ACMSD: variants seen among roughly 807,000 people sequenced by gnomAD.
ACMSD encodes the protein aminocarboxymuconate semialdehyde decarboxylase, also known as 2-amino-3-carboxymuconate-6-semialdehyde decarboxylase.
Under a neutral mutation model 45.9 loss-of-function variants are expected in ACMSD, and 37 were observed. That is an observed-to-expected ratio of 0.81 (90% CI 0.62 to 1.06). The LOEUF is 1.06. Ranked by LOEUF, ACMSD falls within the 50% of genes least tolerant of loss-of-function variation. The pLI is 0.00. For missense variants in ACMSD, 434 were observed against 420.9 expected (o/e 1.03, Z -0.27); for synonymous variants, 138 against 148.8 (o/e 0.93, Z 0.53).
At chr2:134,844,162 A>G (rs1442579644) in intron 1 of ACMSD, among the ~76,000 whole-genome samples, 1 of 152,222 alleles carries the variant, frequency 6.6e-6, no homozygotes, top group African/African-American at 2.4e-5. Context: ...ATACTTACCT[A>G]TGTTTTCAGG....
intron 8 of ACMSD, among the ~76,000 whole-genome samples, chr2:134,894,222 T>G (rs975629017): frequency 3.9e-5 from 6 of 152,014 alleles, no homozygotes; most frequent in African/African-American, 9.7e-5. Flanking sequence ...AACCTTTAGC[T>G]AGACTGACCA....
intron 2 of ACMSD, among the ~76,000 whole-genome samples, chr2:134,848,285 G>A (rs1324284627): frequency 6.6e-6 from 1 of 152,090 alleles, no homozygotes; most frequent in Non-Finnish European, 1.5e-5. Context: ...AATCCTTTGG[G>A]TATATACCCA....
At chr2:134,870,707 G>A (rs571605791) in intron 6 of ACMSD, among the ~76,000 whole-genome samples, 33 of 152,218 alleles carry the variant, frequency 2.2e-4, no homozygotes, top group African/African-American at 5.3e-4. Context: ...AACTGAAGTC[G>A]GGGGAATTAG....
chr2:134,851,690 G>A (rs1379915125), intron 2 of ACMSD, among the ~76,000 whole-genome samples: 1 of 152,236 alleles, frequency 6.6e-6, no homozygotes, highest in Admixed American at 6.5e-5. Context: ...TTATCCACCC[G>A]CCTTGGCCTC....
chr2:134,843,490 A>G (rs1042986371), intron 1 of ACMSD, among the ~76,000 whole-genome samples: 1 of 152,158 alleles, frequency 6.6e-6, no homozygotes, highest in Non-Finnish European at 1.5e-5. Context: ...AAACACCTCT[A>G]TGCTGCACCA....
intron 7 of ACMSD, 137 bp from the exon 8 acceptor site, chr2:134,872,332 C>T: frequency 1.1e-6 from 1 of 891,598 alleles, no homozygotes; most frequent in South Asian, 1.8e-5. Flanking sequence ...CATCATCTCC[C>T]AGCATTCAGA....
chr2:134,896,047 A>G (rs1690129817), intron 8 of ACMSD, among the ~76,000 whole-genome samples: 1 of 152,246 alleles, frequency 6.6e-6, no homozygotes, highest in Admixed American at 6.5e-5. Context: ...ATTCAGTGTG[A>G]TAAAGAATAG....
intron 1 of ACMSD, among the ~76,000 whole-genome samples, chr2:134,844,095 G>A (rs1686940568): frequency 6.6e-6 from 1 of 152,188 alleles, no homozygotes; most frequent in South Asian, 2.1e-4. Flanking sequence ...CGTGAAGAAG[G>A]AATAATGATA....
At chr2:134,891,087 T>C (rs1689757322) in intron 8 of ACMSD, among the ~76,000 whole-genome samples, 1 of 152,098 alleles carries the variant, frequency 6.6e-6, no homozygotes, top group Non-Finnish European at 1.5e-5. Flanking sequence ...CTGCAGGTTG[T>C]CTTTTCACTC....
intron 8 of ACMSD, among the ~76,000 whole-genome samples, chr2:134,882,169 T>C (rs1689073057): frequency 6.6e-6 from 1 of 152,194 alleles, no homozygotes; most frequent in African/African-American, 2.4e-5. Context: ...CCCACCTAAC[T>C]TGACATTTAA....
chr2:134,863,369 G>A (rs375252062), intron 4 of ACMSD, 26 bp from the exon 5 acceptor site: 25 of 1,603,388 alleles, frequency 1.6e-5, no homozygotes, highest in East Asian at 2.2e-5. Flanking sequence ...TCAACAATGC[G>A]GTTTTCCCTT....
chr2:134,838,711 T>C lies in ACMSD; in HGVS notation c.29T>C (p.Leu10Pro). The part of the protein sequence containing the change: MKIDIHSHI[L>P]PKEWPDLKKR... ...AAAATTGACATCCATAGTCATATTC[T>C]ACCAAAAGAATGGCCAGATCTAAAA... The change falls in exon 1 of 10, where the codon CTA becomes CCA. Residue 10 changes from leucine (L) to proline (P), a missense_variant. Coordinates refer to ENST00000356140, the MANE Select transcript of ACMSD (RefSeq NM_138326.3). The C allele has an allele frequency of 6.2e-7, 1 of 1,612,500 alleles. No homozygotes were observed. The highest frequency in any genetic ancestry group is 8.5e-7 in the Non-Finnish European group (1 of 1,178,860).
At chr2:134,878,808 A>G (rs2104906669) in intron 8 of ACMSD, among the ~76,000 whole-genome samples, 1 of 152,280 alleles carries the variant, frequency 6.6e-6, no homozygotes, top group East Asian at 1.9e-4. Context: ...CTTCTAATAC[A>G]ATTCCTTTAA....
rs1158518481 is a variant in ACMSD at position 134,840,167 on chromosome 2, CAAA to C, written c.57+1452_57+1454del. ...TAAAATAGCCATAAACTATACCTAG[CAAA>C]AAAAAAAAAAAAAAAAAAAAAAACC... is the stretch of plus-strand genomic sequence containing the variant. On this transcript the variant is annotated intron_variant, in intron 1 of 9. Coordinates refer to ENST00000356140, the MANE Select transcript of ACMSD (RefSeq NM_138326.3). Among the ~76,000 whole-genome samples the C allele has an allele frequency of 3.8e-3, 90 of 23,424 alleles. 1 individual carries two copies. The highest frequency in any genetic ancestry group is 0.011 in the African/African-American group (84 of 7,382). 15.4% of individuals were successfully genotyped at this position (23,424 alleles called of 152,430 possible). A position where few individuals can be genotyped will look rare whatever the true frequency, so the allele number is the denominator to read the frequency against.
intron 2 of ACMSD, among the ~76,000 whole-genome samples, chr2:134,845,510 T>C (rs1470037925): frequency 3.0e-5 from 1 of 33,082 alleles, no homozygotes; most frequent in Non-Finnish European, 4.1e-5. Flanking sequence ...CATTAAAAGG[T>C]CTCTCTCTCT....
intron 5 of ACMSD, among the ~76,000 whole-genome samples, chr2:134,867,117 GA>G (rs574077996): frequency 3.3e-4 from 51 of 152,336 alleles, no homozygotes; most frequent in African/African-American, 1.2e-3. Flanking sequence ...TCCAAGTGGG[GA>G]AAAGGAGGGG....
intron 1 of ACMSD, among the ~76,000 whole-genome samples, chr2:134,840,423 A>T (rs1686752167): frequency 6.6e-6 from 1 of 152,038 alleles, no homozygotes; most frequent in Non-Finnish European, 1.5e-5. Flanking sequence ...TACAGTCTGA[A>T]TGTGTATGTC....
chr2:134,856,719 T>C (rs1325166570), intron 2 of ACMSD, among the ~76,000 whole-genome samples: 1 of 152,208 alleles, frequency 6.6e-6, no homozygotes, highest in Non-Finnish European at 1.5e-5. Flanking sequence ...CTTATATAGT[T>C]TGGATGGTAA....
At chr2:134,889,309 G>C (rs1371614545) in intron 8 of ACMSD, among the ~76,000 whole-genome samples, 1 of 152,158 alleles carries the variant, frequency 6.6e-6, no homozygotes, top group African/African-American at 2.4e-5. Flanking sequence ...CACATCAGTA[G>C]CAGTTATCAC....
Sources: gnomAD v4.1 joint callset for allele counts (sites outside exome capture counted in the v4.1 genomes callset) on GRCh38, gnomAD v4.1.1 for gene constraint, MANE v1.5 for transcripts, NCBI Gene and HGNC (gene_info 2026-07-23, HGNC 2026-07-21) for gene names.